The following ZNF469 variants were observed in gnomAD, a reference collection of about 807,000 sequenced individuals.
ZNF469 encodes zinc finger protein 469.
ZNF469 carries 1 observed loss-of-function variant against 1.0 expected under a neutral mutation model. The ratio of observed to expected loss-of-function variants is 1.00; its 90% confidence interval spans 0.35 to 4.73. The LOEUF (loss-of-function observed/expected upper bound fraction) is 4.73. ZNF469 is among the 30% of genes most tolerant of loss of function. The probability of loss-of-function intolerance (pLI) is 0.16; values close to 1 mark genes in which losing one functional copy is unlikely to be tolerated. For missense variants in ZNF469, 6,100 were observed against 5,356.3 expected, an observed-to-expected ratio of 1.14 and a Z score of -4.33; for synonymous variants, 2,703 against 2,363.4, an observed-to-expected ratio of 1.14 and a Z score of -4.17.
the ZNF469 span, among the ~76,000 whole-genome samples, chr16:88,128,487 A>G: frequency 6.6e-6 from 1 of 152,168 alleles, no homozygotes; most frequent in South Asian, 2.1e-4. Flanking sequence ...AAGTGGCACC[A>G]TTGTGGTTCA....
At chr16:88,357,397 C>T in the ZNF469 span, among the ~76,000 whole-genome samples, 4 of 152,238 alleles carry the variant, frequency 2.6e-5, no homozygotes, top group African/African-American at 9.6e-5. Context: ...TGCGTTGACC[C>T]CCAGACCCTG....
At chr16:88,285,543 C>T in the ZNF469 span, among the ~76,000 whole-genome samples, 859 of 152,382 alleles carry the variant, frequency 5.6e-3, 7 homozygotes, top group African/African-American at 0.02. Context: ...TGAGGCCTTT[C>T]CAGCAGCTGA....
the ZNF469 span, among the ~76,000 whole-genome samples, chr16:88,139,735 C>T: frequency 6.6e-6 from 1 of 152,158 alleles, no homozygotes; most frequent in African/African-American, 2.4e-5. Context: ...AGGAAAATTG[C>T]TGTCTGTCCA....
chr16:88,395,489 G>GTA (rs1485739949), intron 1 of ZNF469, among the ~76,000 whole-genome samples: 2 of 151,972 alleles, frequency 1.3e-5, no homozygotes, highest in African/African-American at 2.4e-5. Context: ...ATATATAATT[G>GTA]TATATATGTA....
At position 88,430,347 on chromosome 16, in the gene ZNF469, C is replaced by CTCGGGCGGCGCAGCAGAGGGGTCGGGG; in HGVS notation, c.2888_2914dup (p.Ala963_Gly971dup). 6.6e-7 allele frequency: 1 copy of CTCGGGCGGCGCAGCAGAGGGGTCGGGG among 1,513,952 alleles called. No homozygotes were observed. Among genetic ancestry groups the CTCGGGCGGCGCAGCAGAGGGGTCGGGG allele is most frequent in the South Asian group, 1.2e-5 (1 of 80,764 alleles). The allele number at this position is 1,513,952 out of a possible 1,614,324, so 93.8% of individuals were successfully genotyped here. ...TGAAGCTGTTCCGGAAGGATCTGGACTCGGGCGGCGCAGCAGAGGGGTCGG... is the reference window on the plus strand; with the variant it reads ...TGAAGCTGTTCCGGAAGGATCTGGACTCGGGCGGCGCAGCAGAGGGGTCGGGGTCGGGCGGCGCAGCAGAGGGGTCGG... On this transcript the variant is annotated inframe_insertion, in exon 3 of 3. Coordinates refer to ENST00000565624, the MANE Select transcript of ZNF469 (RefSeq NM_001367624.2).
chr16:88,122,025 C>G, the ZNF469 span, among the ~76,000 whole-genome samples: 2 of 146,530 alleles, frequency 1.4e-5, no homozygotes, highest in Non-Finnish European at 3.0e-5. Context: ...TCGGATCACA[C>G]TCTGTCACTC....
At chr16:88,362,402 G>A in the ZNF469 span, among the ~76,000 whole-genome samples, 1 of 152,198 alleles carries the variant, frequency 6.6e-6, no homozygotes, top group Admixed American at 6.5e-5. Context: ...CTTCAGCCTT[G>A]AGAAGTTTGT....
chr16:88,366,176 T>C, the ZNF469 span, among the ~76,000 whole-genome samples: 2 of 144,630 alleles, frequency 1.4e-5, no homozygotes, highest in African/African-American at 5.2e-5. Flanking sequence ...ATCACCACGA[T>C]CATCATCACT....
chr16:88,425,988 C>G (rs533161717), intron 2 of ZNF469, among the ~76,000 whole-genome samples: 1 of 152,364 alleles, frequency 6.6e-6, no homozygotes, highest in Admixed American at 6.5e-5. Context: ...GAAGAGCCAG[C>G]CGGAAGTACA....
rs1906296230 is a variant in ZNF469, at chr16:88,432,832, C to A, written c.5362C>A (p.Arg1788=). The change falls in exon 3 of 3, where the codon CGA becomes AGA. Residue 1788 remains arginine, a synonymous_variant. Transcript: ENST00000565624. ...GCCCGGCACAGCAGACCAGCCCCAC[C>A]GAGGGGCCCCTGCTCCAGAAGCTTT... is the stretch of plus-strand genomic sequence containing the variant. ...PEPGTADQPH[R]GAPAPEAFGS... is the part of the protein sequence containing the mutation. 2.6e-6 allele frequency: 4 copies of A among 1,550,328 alleles called. No homozygotes were observed. Among genetic ancestry groups the A allele is most frequent in the Admixed American group, 2.0e-5 (1 of 51,010 alleles).
chr16:88,346,415 C>A, the ZNF469 span, among the ~76,000 whole-genome samples: 1 of 152,272 alleles, frequency 6.6e-6, no homozygotes, highest in Non-Finnish European at 1.5e-5. Context: ...CGGAGCCCCT[C>A]CCTCCCAGCC....
At chr16:88,346,677 C>T in the ZNF469 span, among the ~76,000 whole-genome samples, 6 of 152,122 alleles carry the variant, frequency 3.9e-5, no homozygotes, top group African/African-American at 1.4e-4. Flanking sequence ...ACCACCACAC[C>T]TGGCTAATTT....
At chr16:88,376,326 G>A in the ZNF469 span, among the ~76,000 whole-genome samples, 5 of 152,376 alleles carry the variant, frequency 3.3e-5, no homozygotes, top group African/African-American at 7.2e-5. Context: ...GTGGCGATTC[G>A]GACTGCGGAC....
the ZNF469 span, among the ~76,000 whole-genome samples, chr16:88,218,990 C>A: frequency 6.9e-6 from 1 of 144,020 alleles, no homozygotes; most frequent in East Asian, 2.0e-4. Flanking sequence ...AAACAGAGAG[C>A]CAAATCATGA....
the ZNF469 span, among the ~76,000 whole-genome samples, chr16:88,301,078 AAAG>A: frequency 1.3e-5 from 2 of 152,108 alleles, no homozygotes; most frequent in Non-Finnish European, 2.9e-5. Flanking sequence ...AAAAGAAAGA[AAAG>A]AAAAGAACTA....
the ZNF469 span, among the ~76,000 whole-genome samples, chr16:88,331,225 C>CCAT: frequency 7.9e-6 from 1 of 127,294 alleles, no homozygotes; most frequent in African/African-American, 2.6e-5. Context: ...GTCACCACCA[C>CCAT]CACCATCACC....
At chr16:88,418,583 C>T (rs1472984773) in intron 1 of ZNF469, among the ~76,000 whole-genome samples, 3 of 145,270 alleles carry the variant, frequency 2.1e-5, no homozygotes, top group African/African-American at 7.5e-5. Context: ...TCGAAGACAT[C>T]ATTTTCTTTC....
the ZNF469 span, among the ~76,000 whole-genome samples, chr16:88,142,324 G>A: frequency 2.6e-5 from 4 of 152,258 alleles, no homozygotes; most frequent in African/African-American, 4.8e-5. Flanking sequence ...GTCAGGCGAA[G>A]GCACCTGACC....
the ZNF469 span, among the ~76,000 whole-genome samples, chr16:88,317,614 G>A: frequency 2.0e-5 from 3 of 152,208 alleles, no homozygotes; most frequent in Non-Finnish European, 4.4e-5. Context: ...GGCAGTGCCC[G>A]CCGGCAGCCG....
Sources: gnomAD v4.1 joint callset for allele counts (sites outside exome capture counted in the v4.1 genomes callset) on GRCh38, gnomAD v4.1.1 for gene constraint, MANE v1.5 for transcripts, NCBI Gene and HGNC (gene_info 2026-07-23, HGNC 2026-07-21) for gene names.